Variants in MSRB3 observed in about 807,000 individuals in gnomAD.
The protein encoded by MSRB3 is methionine sulfoxide reductase B3, also known as methionine-R-sulfoxide reductase B3.
A neutral mutation model predicts 21.0 loss-of-function variants in MSRB3; 13 were observed. The observed-to-expected ratio is 0.62, with a 90% CI of 0.40 to 0.98. MSRB3 has a LOEUF of 0.98. Ranked by LOEUF, MSRB3 falls within the 50% of genes least tolerant of loss-of-function variation. The pLI is 0.00. For missense variants in MSRB3, 199 were observed against 230.3 expected (o/e 0.86, Z 0.88); for synonymous variants, 87 against 88.6 (o/e 0.98, Z 0.10).
At chr12:65,351,706 A>G in intron 4 of MSRB3, among the ~76,000 whole-genome samples, 1 of 150,352 alleles carries the variant, frequency 6.7e-6, no homozygotes, top group Non-Finnish European at 1.5e-5. Flanking sequence ...TAAACTAGAA[A>G]ATCTAGAAGA....
intron 5 of MSRB3, among the ~76,000 whole-genome samples, chr12:65,402,249 A>G (rs1252272531): frequency 3.9e-5 from 6 of 152,196 alleles, no homozygotes; most frequent in African/African-American, 1.4e-4. Flanking sequence ...CGGGTACACC[A>G]GTCAAACGTA....
chr12:65,287,324 C>T (rs977635219), intron 1 of MSRB3, among the ~76,000 whole-genome samples: 4 of 151,956 alleles, frequency 2.6e-5, no homozygotes, highest in Non-Finnish European at 5.9e-5. Flanking sequence ...GATAGGGTCT[C>T]CCTATGTTTC....
intron 2 of MSRB3, among the ~76,000 whole-genome samples, chr12:65,317,417 T>A (rs982226453): frequency 1.3e-5 from 2 of 152,170 alleles, no homozygotes; most frequent in African/African-American, 4.8e-5. Context: ...GGGTATCAAA[T>A]GACCACATAT....
chr12:65,393,658 C>T (rs1416401622), intron 5 of MSRB3, among the ~76,000 whole-genome samples: 1 of 148,712 alleles, frequency 6.7e-6, no homozygotes, highest in East Asian at 2.0e-4. Context: ...AAAAAAATGA[C>T]TACCATCTTA....
At chr12:65,462,552 G>GA (rs966070105) in intron 6 of MSRB3, among the ~76,000 whole-genome samples, 21 of 152,106 alleles carry the variant, frequency 1.4e-4, no homozygotes, top group Admixed American at 1.3e-4. Flanking sequence ...TGGAAGCCAG[G>GA]AAAAAAACAA....
At chr12:65,302,576 T>C (rs1873400510) in intron 1 of MSRB3, among the ~76,000 whole-genome samples, 1 of 152,196 alleles carries the variant, frequency 6.6e-6, no homozygotes. Context: ...AAAAATTACC[T>C]CTTAAAATCA....
chr12:65,429,878 T>C (rs569523285), intron 5 of MSRB3, among the ~76,000 whole-genome samples: 4 of 152,284 alleles, frequency 2.6e-5, no homozygotes, highest in African/African-American at 9.6e-5. Flanking sequence ...CTTCTGGTTT[T>C]TATCTCAGTA....
At chr12:65,314,535 T>C (rs1874175621) in intron 2 of MSRB3, among the ~76,000 whole-genome samples, 1 of 152,152 alleles carries the variant, frequency 6.6e-6, no homozygotes, top group South Asian at 2.1e-4. Context: ...GTGCAGCATC[T>C]AATTACCAGA....
chr12:65,409,328 C>A (rs1047243189), intron 5 of MSRB3, among the ~76,000 whole-genome samples: 1 of 152,058 alleles, frequency 6.6e-6, no homozygotes, highest in Non-Finnish European at 1.5e-5. Context: ...GTGTAGCCTA[C>A]TACACACCTA....
At chr12:65,304,623 C>T (rs933733115) in intron 1 of MSRB3, among the ~76,000 whole-genome samples, 4 of 152,098 alleles carry the variant, frequency 2.6e-5, no homozygotes, top group African/African-American at 9.7e-5. Context: ...AAAGGCAATG[C>T]GAAAGTGAGG....
At chr12:65,428,385 T>C (rs966360984) in intron 5 of MSRB3, among the ~76,000 whole-genome samples, 4 of 152,150 alleles carry the variant, frequency 2.6e-5, no homozygotes, top group African/African-American at 9.7e-5. Flanking sequence ...TTATTTTGTT[T>C]GGAGATAGCT....
chr12:65,369,162 A>G, intron 5 of MSRB3, 136 bp downstream of exon 5: 1 of 678,118 alleles, frequency 1.5e-6, no homozygotes. Flanking sequence ...GTCCCACCTC[A>G]AAGCAGGGCT....
rs1874011699 is a variant in MSRB3, at chr12:65,311,908, A to AT, written c.76+3260dup. 2.6e-5 allele frequency among the ~76,000 whole-genome samples: 4 copies of AT among 152,036 alleles called. No individual in the cohort carries two copies. In the South Asian group the frequency reaches 8.3e-4, roughly 32 times the overall value. On this transcript the variant is annotated intron_variant, in intron 2 of 6. Coordinates refer to ENST00000308259, the MANE Select transcript of MSRB3 (RefSeq NM_001031679.3). ...TCAGCTTTGACTTTTTTTACGTCTT[A>AT]TTTTTTTAATAAAGTATAATTTTAA... is the stretch of plus-strand genomic sequence containing the variant.
At chr12:65,308,808 T>G (rs1873810153) in intron 2 of MSRB3, 153 bp downstream of exon 2, 1 of 923,392 alleles carries the variant, frequency 1.1e-6, no homozygotes, top group African/African-American at 1.6e-5. Context: ...ATCACCACTC[T>G]ACTTTGAGTA....
At chr12:65,364,448 A>G (rs1245233514) in intron 4 of MSRB3, among the ~76,000 whole-genome samples, 1 of 152,212 alleles carries the variant, frequency 6.6e-6, no homozygotes, top group Non-Finnish European at 1.5e-5. Context: ...AGATGTGAGT[A>G]TATAATTTGG....
At chr12:65,328,105 C>T (rs1875172014) in intron 3 of MSRB3, among the ~76,000 whole-genome samples, 1 of 152,138 alleles carries the variant, frequency 6.6e-6, no homozygotes, top group Admixed American at 6.5e-5. Context: ...CTTAAAGCTG[C>T]AATATTCCTT....
intron 5 of MSRB3, among the ~76,000 whole-genome samples, chr12:65,397,763 C>T (rs541401877): frequency 6.6e-6 from 1 of 152,150 alleles, no homozygotes; most frequent in Admixed American, 6.5e-5. Flanking sequence ...CCCCTAGCCC[C>T]CAACACCCTG....
At chr12:65,344,926 C>T (rs751302406) in intron 4 of MSRB3, among the ~76,000 whole-genome samples, 2 of 151,878 alleles carry the variant, frequency 1.3e-5, no homozygotes, top group Non-Finnish European at 2.9e-5. Context: ...ATAGTGGATT[C>T]TAGAATTTTC....
At chr12:65,348,661 TC>T (rs1218633578) in intron 4 of MSRB3, among the ~76,000 whole-genome samples, 1 of 152,212 alleles carries the variant, frequency 6.6e-6, no homozygotes, top group African/African-American at 2.4e-5. Context: ...CTTCTCTAGT[TC>T]TTTTAATTGT....
Sources: gnomAD v4.1 joint callset for allele counts (sites outside exome capture counted in the v4.1 genomes callset) on GRCh38, gnomAD v4.1.1 for gene constraint, MANE v1.5 for transcripts, NCBI Gene and HGNC (gene_info 2026-07-23, HGNC 2026-07-21) for gene names.